Variants in INPP4B observed in about 807,000 individuals in gnomAD.
The protein encoded by INPP4B is inositol polyphosphate-4-phosphatase type II B.
In INPP4B, 55 loss-of-function variants were observed where a neutral mutation model predicts 122.5. That is an observed-to-expected ratio of 0.45 (90% CI 0.36 to 0.56). The LOEUF (loss-of-function observed/expected upper bound fraction) is 0.56. Among genes scored for constraint, INPP4B ranks in the 20% least tolerant of loss-of-function variants. INPP4B has a pLI of 0.00. For missense variants in INPP4B, 1,000 were observed against 1,097.7 expected, an observed-to-expected ratio of 0.91 and a Z score of 1.26; for synonymous variants, 403 against 388.7, an observed-to-expected ratio of 1.04 and a Z score of -0.43.
intron 23 of INPP4B, 129 bp downstream of exon 23, chr4:142,107,964 G>A (rs1184209872): frequency 1.7e-6 from 1 of 581,864 alleles, no homozygotes; most frequent in Non-Finnish European, 3.0e-6. Flanking sequence ...TTTTGGATCA[G>A]ATAATTTCAA....
At chr4:142,337,418 C>T (rs1209768607) in intron 7 of INPP4B, among the ~76,000 whole-genome samples, 2 of 151,740 alleles carry the variant, frequency 1.3e-5, no homozygotes, top group Non-Finnish European at 2.9e-5. Flanking sequence ...ATTATTTACC[C>T]TTGAACCATA....
At chr4:142,051,707 C>A (rs1371571114) in intron 25 of INPP4B, among the ~76,000 whole-genome samples, 2 of 151,920 alleles carry the variant, frequency 1.3e-5, no homozygotes, top group Non-Finnish European at 2.9e-5. Flanking sequence ...GAAAATAAAC[C>A]ATTTACCTAA....
At chr4:142,670,727 C>A (rs1481459842) in intron 2 of INPP4B, among the ~76,000 whole-genome samples, 1 of 151,944 alleles carries the variant, frequency 6.6e-6, no homozygotes, top group Non-Finnish European at 1.5e-5. Flanking sequence ...TTCAAGAGAT[C>A]ATTACACAAC....
chr4:142,475,885 AAGAG>A (rs1230941262), intron 2 of INPP4B, among the ~76,000 whole-genome samples: 1 of 152,150 alleles, frequency 6.6e-6, no homozygotes, highest in East Asian at 1.9e-4. Flanking sequence ...GCATCACTGA[AAGAG>A]AGAAGCACAA....
chr4:142,716,452 C>A (rs1763779400), intron 2 of INPP4B, among the ~76,000 whole-genome samples: 1 of 151,972 alleles, frequency 6.6e-6, no homozygotes, highest in Admixed American at 6.6e-5. Context: ...CAATTTTTTT[C>A]TTTTAATTTT....
In INPP4B at chr4:142,028,197, G is replaced by A; in HGVS notation, c.*585C>T. On this transcript the variant is annotated 3_prime_UTR_variant, in exon 26 of 26. Coordinates refer to ENST00000262992, the MANE Select transcript of INPP4B (RefSeq NM_001101669.3). ...ACTCCATGCATATGCCTGTTGCAAG[G>A]GAGGAGTCACACCTTGACTGGATGA... 4.4e-6 allele frequency: 1 copy of A among 228,642 alleles called. No homozygotes were observed. 14.2% of individuals were successfully genotyped at this position (228,642 alleles called of 1,614,324 possible).
At chr4:142,838,701 A>G (rs185854329) in intron 1 of INPP4B, among the ~76,000 whole-genome samples, 28 of 152,242 alleles carry the variant, frequency 1.8e-4, no homozygotes, top group Non-Finnish European at 3.5e-4. Context: ...CAATGGAATT[A>G]TATTTGCTTT....
At chr4:142,173,172 A>G (rs1826387914) in intron 16 of INPP4B, among the ~76,000 whole-genome samples, 1 of 151,972 alleles carries the variant, frequency 6.6e-6, no homozygotes, top group Non-Finnish European at 1.5e-5. Context: ...TAGAGAGCAA[A>G]CTGAGGCAGA....
chr4:142,137,693 AAAAC>A (rs1183075521), intron 18 of INPP4B, among the ~76,000 whole-genome samples: 35 of 144,470 alleles, frequency 2.4e-4, no homozygotes, highest in African/African-American at 8.6e-4. Flanking sequence ...TTACAAGAAA[AAAAC>A]AAACAACCCC....
At chr4:142,559,921 A>C (rs1730078030) in intron 2 of INPP4B, among the ~76,000 whole-genome samples, 1 of 152,174 alleles carries the variant, frequency 6.6e-6, no homozygotes, top group South Asian at 2.1e-4. Context: ...GTTTTTATAC[A>C]CTTTAAAAAT....
At chr4:142,811,675 A>T (rs1416710095) in intron 1 of INPP4B, among the ~76,000 whole-genome samples, 1 of 152,238 alleles carries the variant, frequency 6.6e-6, no homozygotes, top group Non-Finnish European at 1.5e-5. Flanking sequence ...TCACTTAGTT[A>T]GATTAGAAAA....
intron 7 of INPP4B, among the ~76,000 whole-genome samples, chr4:142,359,381 T>A (rs1018746373): frequency 1.1e-4 from 16 of 151,978 alleles, no homozygotes; most frequent in Non-Finnish European, 1.8e-4. Flanking sequence ...TACCCTCATG[T>A]TGTTGTCACA....
At chr4:142,667,686 A>G (rs1048543848) in intron 2 of INPP4B, among the ~76,000 whole-genome samples, 2 of 152,160 alleles carry the variant, frequency 1.3e-5, no homozygotes, top group Non-Finnish European at 2.9e-5. Context: ...GGAGTAGTAC[A>G]TTGGAGGATA....
At chr4:142,761,616 G>C (rs1771357436) in intron 1 of INPP4B, among the ~76,000 whole-genome samples, 2 of 152,068 alleles carry the variant, frequency 1.3e-5, no homozygotes, top group African/African-American at 4.8e-5. Flanking sequence ...ACCTATAATA[G>C]AAAAATTCAA....
intron 3 of INPP4B, among the ~76,000 whole-genome samples, chr4:142,457,601 T>C (rs983595585): frequency 1.3e-4 from 20 of 152,304 alleles, no homozygotes; most frequent in African/African-American, 4.3e-4. Flanking sequence ...TATCACTACA[T>C]ACATATTAGA....
At chr4:142,590,154 G>T (rs980499459) in intron 2 of INPP4B, among the ~76,000 whole-genome samples, 5 of 152,080 alleles carry the variant, frequency 3.3e-5, no homozygotes, top group South Asian at 2.1e-4. Context: ...TTTTAGAGGA[G>T]TATTTACATA....
intron 12 of INPP4B, among the ~76,000 whole-genome samples, chr4:142,223,137 G>T (rs1210766925): frequency 6.6e-6 from 1 of 151,920 alleles, no homozygotes; most frequent in African/African-American, 2.4e-5. Flanking sequence ...TAGCTATTAA[G>T]TGGCTTTGGG....
chr4:142,581,046 A>C (rs1192424575), intron 2 of INPP4B, among the ~76,000 whole-genome samples: 2 of 152,066 alleles, frequency 1.3e-5, no homozygotes, highest in Non-Finnish European at 2.9e-5. Context: ...AATATGTCAG[A>C]AATACATGTG....
chr4:142,635,398 A>C (rs755149239), intron 2 of INPP4B, among the ~76,000 whole-genome samples: 1 of 152,174 alleles, frequency 6.6e-6, no homozygotes, highest in Non-Finnish European at 1.5e-5. Flanking sequence ...CCATAAAGAC[A>C]CATGCACATT....
Sources: gnomAD v4.1 joint callset for allele counts (sites outside exome capture counted in the v4.1 genomes callset) on GRCh38, gnomAD v4.1.1 for gene constraint, MANE v1.5 for transcripts, NCBI Gene and HGNC (gene_info 2026-07-23, HGNC 2026-07-21) for gene names.